KLF12: variants seen among roughly 807,000 people sequenced by gnomAD.
KLF12 encodes the protein Krueppel-like factor 12.
Under a neutral mutation model 37.8 loss-of-function variants are expected in KLF12, and 9 were observed. That is an observed-to-expected ratio of 0.24 (90% CI 0.14 to 0.42). The LOEUF is 0.42. Among genes scored for constraint, KLF12 ranks in the 10% least tolerant of loss-of-function variants. KLF12 has a pLI of 1.00. For missense variants in KLF12, 411 were observed against 516.0 expected, an observed-to-expected ratio of 0.80 and a Z score of 1.97; for synonymous variants, 208 against 202.1, an observed-to-expected ratio of 1.03 and a Z score of -0.25.
chr13:73,970,614 C>T (rs1002078747), intron 2 of KLF12, among the ~76,000 whole-genome samples: 13 of 152,122 alleles, frequency 8.5e-5, no homozygotes, highest in East Asian at 1.9e-4. Flanking sequence ...TGCCAACTGG[C>T]GACATACAGG....
At chr13:73,697,115 A>AT in intron 7 of KLF12, among the ~76,000 whole-genome samples, 1 of 151,368 alleles carries the variant, frequency 6.6e-6, no homozygotes, top group Non-Finnish European at 1.5e-5. Context: ...ACACACACAA[A>AT]TACACACACA....
At chr13:73,860,112 A>T (rs1885840174) in intron 3 of KLF12, among the ~76,000 whole-genome samples, 1 of 152,144 alleles carries the variant, frequency 6.6e-6, no homozygotes, top group South Asian at 2.1e-4. Flanking sequence ...GTTTTATATG[A>T]TCAGTTCACT....
chr13:73,701,840 T>TA (rs894770459), intron 7 of KLF12, among the ~76,000 whole-genome samples: 6 of 151,198 alleles, frequency 4.0e-5, no homozygotes, highest in East Asian at 1.9e-4. Flanking sequence ...GTTTTGTATT[T>TA]AAAAAAAAAG....
chr13:74,194,305 G>A, the KLF12 span, among the ~76,000 whole-genome samples: 1 of 152,174 alleles, frequency 6.6e-6, no homozygotes, highest in Non-Finnish European at 1.5e-5. Context: ...TGCTTCTCTA[G>A]GAATTAATGG....
chr13:74,226,320 A>C, the KLF12 span, among the ~76,000 whole-genome samples: 1 of 152,188 alleles, frequency 6.6e-6, no homozygotes, highest in Non-Finnish European at 1.5e-5. Flanking sequence ...TTGGCTAGAC[A>C]GTTCCAGGAT....
At chr13:74,233,556 A>C in the KLF12 span, among the ~76,000 whole-genome samples, 4 of 152,226 alleles carry the variant, frequency 2.6e-5, no homozygotes, top group African/African-American at 9.6e-5. Flanking sequence ...TTCTAATTAC[A>C]CATTGTAGTT....
intron 1 of KLF12, among the ~76,000 whole-genome samples, chr13:74,107,105 G>T (rs1280020328): frequency 1.4e-5 from 2 of 146,636 alleles, no homozygotes; most frequent in Non-Finnish European, 3.0e-5. Context: ...ATGGTGGAAG[G>T]GATGTGGGGG....
At chr13:74,292,267 A>G in the KLF12 span, among the ~76,000 whole-genome samples, 1 of 152,156 alleles carries the variant, frequency 6.6e-6, no homozygotes, top group African/African-American at 2.4e-5. Flanking sequence ...TTCAAATCCC[A>G]ACTCCAACCA....
At chr13:73,815,686 C>T (rs1332310941) in intron 4 of KLF12, among the ~76,000 whole-genome samples, 1 of 152,124 alleles carries the variant, frequency 6.6e-6, no homozygotes, top group African/African-American at 2.4e-5. Context: ...ACATCATGCA[C>T]TACGATGCCT....
rs929676379 is a variant in KLF12 at position 73,693,478 on chromosome 13, T to G, written c.*2012A>C. 2 of 152,188 alleles carry G rather than the reference T, an allele frequency of 1.3e-5. No homozygotes were observed. Among genetic ancestry groups the G allele is most frequent in the Admixed American group, 1.3e-4 (2 of 15,280 alleles). The allele number at this position is 152,188 out of a possible 1,614,324, so 9.4% of individuals were successfully genotyped here. A position where few individuals can be genotyped will look rare whatever the true frequency, so the allele number is the denominator to read the frequency against. ...AGAGCACATATTTGTGAAGCCATAA[T>G]TTGACCTGAAAATCATTACACTGTT... On this transcript the variant is annotated 3_prime_UTR_variant, in exon 8 of 8. Transcript: ENST00000377669.
chr13:73,738,110 T>TATATACACACACATATATGTATGTGTAC (rs1877629557), intron 6 of KLF12, among the ~76,000 whole-genome samples: 6 of 90,474 alleles, frequency 6.6e-5, no homozygotes, highest in African/African-American at 2.7e-4. Flanking sequence ...TATATATATA[T>TATATACACACACATATATGTATGTGTAC]ATATATATAT....
chr13:74,087,716 T>C (rs1236222754), intron 1 of KLF12, among the ~76,000 whole-genome samples: 1 of 152,132 alleles, frequency 6.6e-6, no homozygotes, highest in Non-Finnish European at 1.5e-5. Flanking sequence ...GGTTTTGTTA[T>C]TTGGAAACCA....
At chr13:73,825,213 G>C (rs574530774) in intron 4 of KLF12, among the ~76,000 whole-genome samples, 73 of 152,182 alleles carry the variant, frequency 4.8e-4, no homozygotes, top group African/African-American at 1.7e-3. Context: ...AGGTTTCCAC[G>C]AACTAGAATG....
intron 4 of KLF12, among the ~76,000 whole-genome samples, chr13:73,820,607 C>T (rs1348789389): frequency 1.3e-5 from 2 of 152,196 alleles, no homozygotes; most frequent in African/African-American, 4.8e-5. Context: ...GCCATAACCC[C>T]AGATGACTAT....
At chr13:74,193,407 G>T in the KLF12 span, among the ~76,000 whole-genome samples, 2 of 152,092 alleles carry the variant, frequency 1.3e-5, no homozygotes, top group South Asian at 4.1e-4. Context: ...TTACAAATGA[G>T]AACCAATGAG....
intron 1 of KLF12, among the ~76,000 whole-genome samples, chr13:74,075,193 A>T (rs1005228061): frequency 4.6e-5 from 7 of 152,216 alleles, no homozygotes; most frequent in African/African-American, 1.7e-4. Flanking sequence ...ATGTGAAGAT[A>T]AAAAATATGG....
chr13:74,222,874 C>T, the KLF12 span, among the ~76,000 whole-genome samples: 1 of 152,116 alleles, frequency 6.6e-6, no homozygotes, highest in Admixed American at 6.5e-5. Context: ...AGTACAGTGC[C>T]TGGCACCAAA....
chr13:73,757,949 T>C (rs1179443974), intron 6 of KLF12, among the ~76,000 whole-genome samples: 2 of 152,172 alleles, frequency 1.3e-5, no homozygotes, highest in African/African-American at 4.8e-5. Flanking sequence ...CTATCACAGA[T>C]ACATATATTT....
At chr13:74,132,732 G>A (rs1009115882) in intron 1 of KLF12, among the ~76,000 whole-genome samples, 3 of 152,110 alleles carry the variant, frequency 2.0e-5, no homozygotes, top group Non-Finnish European at 2.9e-5. Context: ...GAAGCTGCAG[G>A]GCATATAACA....
Sources: gnomAD v4.1 joint callset for allele counts (sites outside exome capture counted in the v4.1 genomes callset) on GRCh38, gnomAD v4.1.1 for gene constraint, MANE v1.5 for transcripts, NCBI Gene and HGNC (gene_info 2026-07-23, HGNC 2026-07-21) for gene names.